The following RPA1 variants were observed in gnomAD, a reference collection of about 807,000 sequenced individuals.
RPA1 encodes replication protein A1, also known as replication protein A 70 kDa DNA-binding subunit.
RPA1 carries 49 observed loss-of-function variants against 83.0 expected under a neutral mutation model. That is an observed-to-expected ratio of 0.59 (90% CI 0.47 to 0.75). The LOEUF (loss-of-function observed/expected upper bound fraction) is 0.75. Ranked by LOEUF, RPA1 falls within the 30% of genes least tolerant of loss-of-function variation. RPA1 has a pLI of 0.00. For synonymous variants in RPA1, 279 were observed against 281.8 expected, an observed-to-expected ratio of 0.99 and a Z score of 0.10; for missense variants, 693 against 776.1, an observed-to-expected ratio of 0.89 and a Z score of 1.27.
At position 1,863,223 on chromosome 17, in the gene RPA1, A is replaced by ATTTTATTTTT. The variant is rs1285757807; in HGVS notation, c.362-9207_362-9206insATTTTTTTTT. On this transcript the variant is annotated intron_variant, in intron 5 of 16. Coordinates refer to ENST00000254719, the MANE Select transcript of RPA1 (RefSeq NM_002945.5). ...ATTTTATTTTATTTTATTTTATTTT[A>ATTTTATTTTT]TTTTTTTGAGACGAGTCTCACTCTG... is the stretch of plus-strand genomic sequence containing the variant. 5.0e-5 allele frequency among the ~76,000 whole-genome samples: 7 copies of ATTTTATTTTT among 139,200 alleles called. No individual in the cohort carries two copies. The East Asian group carries it at 6.4e-4, about 13-fold the overall frequency. 91.3% of individuals were successfully genotyped at this position (139,200 alleles called of 152,430 possible).
At chr17:1,891,624 T>A in intron 14 of RPA1, 1 of 335,346 alleles carries the variant, frequency 3.0e-6, no homozygotes, top group Non-Finnish European at 5.4e-6. Context: ...TTCACCATGT[T>A]GGCCAGGCTG....
Position 1,888,809 on chromosome 17 carries a change from C to T in RPA1, c.1509C>T (p.Cys503=), listed in dbSNP as rs563679420. The change falls in exon 14 of 17, where the codon TGC becomes TGT. Residue 503 remains cysteine, a synonymous_variant. Transcript: ENST00000254719. ...QQNGLYRCEK[C]DTEFPNFKYR... is the part of the protein sequence containing the mutation. ...ATGGATTGTACCGCTGTGAGAAGTGCGACACCGAATTTCCCAATTTCAAGT... is the reference window on the plus strand; with the variant it reads ...ATGGATTGTACCGCTGTGAGAAGTGTGACACCGAATTTCCCAATTTCAAGT... The T allele has an allele frequency of 6.2e-6, 10 of 1,613,954 alleles. No individual in the cohort carries two copies. The highest frequency in any genetic ancestry group is 1.7e-4 in the Middle Eastern group (1 of 6,060).
intron 6 of RPA1, 24 bp from the exon 7 acceptor site, chr17:1,875,637 T>C: frequency 1.9e-6 from 3 of 1,603,328 alleles, no homozygotes; most frequent in Non-Finnish European, 1.7e-6. Flanking sequence ...AATAACTCCT[T>C]TTCGTTTGCG....
intron 4 of RPA1, among the ~76,000 whole-genome samples, chr17:1,849,164 C>T (rs894201218): frequency 6.6e-6 from 1 of 152,092 alleles, no homozygotes; most frequent in Non-Finnish European, 1.5e-5. Flanking sequence ...GGAGTTTCTC[C>T]CCGTTCTTGC....
chr17:1,848,560 A>G (rs145683055), intron 4 of RPA1, among the ~76,000 whole-genome samples: 2,379 of 151,864 alleles, frequency 0.016, 65 homozygotes, highest in African/African-American at 0.052. Flanking sequence ...GCAGTGAGTC[A>G]AGATTGCGCC....
intron 5 of RPA1, among the ~76,000 whole-genome samples, chr17:1,859,645 C>T (rs550647259): frequency 6.6e-6 from 1 of 151,858 alleles, no homozygotes; most frequent in Non-Finnish European, 1.5e-5. Flanking sequence ...TTTTTTCTCT[C>T]CTAGAGACAA....
intron 13 of RPA1, among the ~76,000 whole-genome samples, chr17:1,887,624 A>G (rs1358716484): frequency 6.6e-6 from 1 of 151,452 alleles, no homozygotes; most frequent in Non-Finnish European, 1.5e-5. Context: ...ATGGTGGCTT[A>G]CTCCTATAAT....
At position 1,833,311 on chromosome 17, in the gene RPA1, T is replaced by A. The variant is rs868410760; in HGVS notation, c.33+3185T>A. Among the ~76,000 whole-genome samples the A allele has an allele frequency of 8.5e-5, 13 of 152,338 alleles. No homozygotes were observed. In the South Asian group the frequency reaches 2.7e-3, roughly 32 times the overall value. On this transcript the variant is annotated intron_variant, in intron 1 of 16. Coordinates refer to ENST00000254719, the MANE Select transcript of RPA1 (RefSeq NM_002945.5). ...GTATCCCCAATACCTGGAGAAGTGC[T>A]GGCAAGTTTTAGGTGCTGAATAAAT...
chr17:1,846,627 T>C (rs1159456371), intron 4 of RPA1, among the ~76,000 whole-genome samples: 3 of 152,096 alleles, frequency 2.0e-5, no homozygotes, highest in East Asian at 3.9e-4. Context: ...GCCGTCCATA[T>C]TCTTTTTTCT....
intron 7 of RPA1, 39 bp from the exon 8 acceptor site, chr17:1,877,173 G>A: frequency 6.4e-7 from 1 of 1,560,928 alleles, no homozygotes; most frequent in Non-Finnish European, 8.8e-7. Flanking sequence ...CTTTTCCAAG[G>A]AAGACCCCAT....
intron 5 of RPA1, among the ~76,000 whole-genome samples, chr17:1,863,746 G>C (rs148354049): frequency 5.9e-5 from 9 of 152,166 alleles, no homozygotes; most frequent in African/African-American, 2.2e-4. Context: ...AAACATACTT[G>C]TAGAAGGCAA....
chr17:1,834,896 C>T (rs1911754247), intron 1 of RPA1, among the ~76,000 whole-genome samples: 1 of 152,138 alleles, frequency 6.6e-6, no homozygotes, highest in South Asian at 2.1e-4. Context: ...GGGTCTCACT[C>T]TGTTGCCCAG....
intron 5 of RPA1, among the ~76,000 whole-genome samples, chr17:1,865,054 AG>A (rs1312054514): frequency 1.3e-5 from 2 of 152,248 alleles, no homozygotes; most frequent in African/African-American, 4.8e-5. Flanking sequence ...TGGAAAGGAA[AG>A]GAAAGTTGGA....
chr17:1,868,093 A>G (rs1035642720), intron 5 of RPA1, among the ~76,000 whole-genome samples: 1 of 152,144 alleles, frequency 6.6e-6, no homozygotes, highest in Non-Finnish European at 1.5e-5. Flanking sequence ...CAAGGGGGAA[A>G]AAAAAAGAAA....
chr17:1,849,588 G>A (rs1489322423), intron 4 of RPA1, among the ~76,000 whole-genome samples: 2 of 151,394 alleles, frequency 1.3e-5, no homozygotes, highest in Non-Finnish European at 2.9e-5. Flanking sequence ...CACCGCACCC[G>A]GCATTCCTTA....
At chr17:1,891,166 G>C (rs910786438) in intron 14 of RPA1, among the ~76,000 whole-genome samples, 2 of 152,178 alleles carry the variant, frequency 1.3e-5, no homozygotes, top group African/African-American at 4.8e-5. Context: ...GATTCTTTGA[G>C]ATCTGCTTTC....
chr17:1,833,846 C>T (rs1003868690), intron 1 of RPA1, among the ~76,000 whole-genome samples: 2 of 150,006 alleles, frequency 1.3e-5, no homozygotes, highest in African/African-American at 2.5e-5. Flanking sequence ...AAAACTCCAT[C>T]TCAAAAGAAA....
chr17:1,868,492 G>T (rs748123693), intron 5 of RPA1, among the ~76,000 whole-genome samples: 1 of 152,126 alleles, frequency 6.6e-6, no homozygotes, highest in Non-Finnish European at 1.5e-5. Flanking sequence ...TTGTCTTGGC[G>T]GGGCACGGTG....
chr17:1,892,000 T>G, intron 15 of RPA1, 60 bp downstream of exon 15: 1 of 1,188,336 alleles, frequency 8.4e-7, no homozygotes, highest in Non-Finnish European at 1.2e-6. Flanking sequence ...TCTATAACAC[T>G]GACCCCACAC....
Sources: allele counts gnomAD v4.1 joint callset (sites outside exome capture counted in the v4.1 genomes callset), GRCh38; gene constraint gnomAD v4.1.1; transcripts MANE v1.5; gene names NCBI Gene and HGNC (gene_info 2026-07-23, HGNC 2026-07-21).